ZFPM2: variants seen among roughly 807,000 people sequenced by gnomAD.
ZFPM2 encodes the protein zinc finger protein, FOG family member 2.
ZFPM2 carries 20 observed loss-of-function variants against 98.6 expected under a neutral mutation model. That is an observed-to-expected ratio of 0.20 (90% CI 0.14 to 0.29). The LOEUF (loss-of-function observed/expected upper bound fraction) is 0.29. Ranked by LOEUF, ZFPM2 falls within the 10% of genes least tolerant of loss-of-function variation. ZFPM2 has a pLI of 1.00. For synonymous variants in ZFPM2, 518 were observed against 502.7 expected (o/e 1.03, Z -0.41); for missense variants, 1,310 against 1,388.6 (o/e 0.94, Z 0.90).
intron 2 of ZFPM2, among the ~76,000 whole-genome samples, chr8:105,439,433 A>G (rs1358560870): frequency 6.6e-6 from 1 of 152,118 alleles, no homozygotes. Context: ...ATCTTGTACA[A>G]ACTGCTGTTT....
chr8:105,498,225 C>G (rs768972471), intron 3 of ZFPM2, among the ~76,000 whole-genome samples: 1 of 151,882 alleles, frequency 6.6e-6, no homozygotes, highest in Non-Finnish European at 1.5e-5. Flanking sequence ...ATAAAAAATC[C>G]AACAATTTAA....
At chr8:105,765,503 T>C (rs529142781) in intron 5 of ZFPM2, among the ~76,000 whole-genome samples, 1 of 151,966 alleles carries the variant, frequency 6.6e-6, no homozygotes, top group South Asian at 2.1e-4. Flanking sequence ...CTTTGATCTC[T>C]GGAGACAATT....
chr8:105,724,643 A>G (rs2131002356), intron 5 of ZFPM2, among the ~76,000 whole-genome samples: 2 of 152,004 alleles, frequency 1.3e-5, no homozygotes, highest in Middle Eastern at 3.4e-3. Context: ...AATTATTATA[A>G]TTAACTGTAT....
intron 3 of ZFPM2, among the ~76,000 whole-genome samples, chr8:105,507,478 TGGGCC>T (rs1813727382): frequency 6.6e-6 from 1 of 152,224 alleles, no homozygotes; most frequent in African/African-American, 2.4e-5. Flanking sequence ...TTAATCCAGT[TGGGCC>T]TCACTTTATT....
chr8:105,521,408 AGGGGGGG>A (rs1814056699), intron 3 of ZFPM2, among the ~76,000 whole-genome samples: 1 of 25,778 alleles, frequency 3.9e-5, no homozygotes, highest in African/African-American at 5.5e-4. Flanking sequence ...TTAAGGGGGG[AGGGGGGG>A]AGGGATGAGT....
At chr8:105,535,521 G>A (rs1814432558) in intron 3 of ZFPM2, among the ~76,000 whole-genome samples, 1 of 152,064 alleles carries the variant, frequency 6.6e-6, no homozygotes, top group Non-Finnish European at 1.5e-5. Flanking sequence ...GTTTGCTTTG[G>A]AAACCAACTG....
At chr8:105,376,121 C>T (rs1810719996) in intron 1 of ZFPM2, among the ~76,000 whole-genome samples, 1 of 152,178 alleles carries the variant, frequency 6.6e-6, no homozygotes, top group Admixed American at 6.5e-5. Context: ...GTTACTTTTA[C>T]TAGTGGCCTC....
chr8:105,435,888 A>G (rs1045573955), intron 2 of ZFPM2, among the ~76,000 whole-genome samples: 3 of 152,216 alleles, frequency 2.0e-5, no homozygotes, highest in Non-Finnish European at 2.9e-5. Flanking sequence ...AGTAAAAAGC[A>G]TTAAAAAATG....
chr8:105,635,536 A>G (rs1816831071), intron 5 of ZFPM2, among the ~76,000 whole-genome samples: 2 of 151,932 alleles, frequency 1.3e-5, no homozygotes, highest in Admixed American at 1.3e-4. Context: ...CATACCCACT[A>G]ATTTTCTAAC....
intron 1 of ZFPM2, among the ~76,000 whole-genome samples, chr8:105,406,931 T>C (rs180970655): frequency 6.6e-6 from 1 of 152,040 alleles, no homozygotes; most frequent in East Asian, 1.9e-4. Flanking sequence ...CCATACGTTT[T>C]TGAGGCTTGA....
chr8:105,381,104 G>C (rs1810880338), intron 1 of ZFPM2, among the ~76,000 whole-genome samples: 1 of 144,254 alleles, frequency 6.9e-6, no homozygotes, highest in Non-Finnish European at 1.5e-5. Flanking sequence ...AGGCCCTGGT[G>C]TGTGATATTC....
intron 2 of ZFPM2, among the ~76,000 whole-genome samples, chr8:105,432,548 CAG>C (rs751926940): frequency 2.0e-5 from 3 of 152,080 alleles, no homozygotes; most frequent in Non-Finnish European, 2.9e-5. Flanking sequence ...GGCCGACAAA[CAG>C]AAGGGAAAGT....
chr8:105,801,260 G>C lies in ZFPM2; in HGVS notation c.1178G>C (p.Arg393Thr). The change falls in exon 8 of 8, where the codon AGA becomes ACA. Residue 393 changes from arginine to threonine, a missense_variant. By Grantham distance (71) the Arg-to-Thr change is moderately conservative. Transcript: ENST00000407775. ...CATGTCCCTAGCGGCAAACTTCCCA[G>C]AGAAAGTGACATGGAACACTCTCCA... ...ELHVPSGKLP[R>T]ESDMEHSPSA... The C allele has an allele frequency of 6.2e-7, 1 of 1,613,904 alleles. No individual in the cohort carries two copies. Among genetic ancestry groups the C allele is most frequent in the Non-Finnish European group, 8.5e-7 (1 of 1,179,874 alleles).
chr8:105,799,644 A>G (rs191258877), intron 7 of ZFPM2, among the ~76,000 whole-genome samples: 45 of 152,304 alleles, frequency 3.0e-4, no homozygotes, highest in Admixed American at 9.2e-4. Context: ...ATTTCATAGC[A>G]TTCTAATTAT....
chr8:105,551,405 G>A (rs1814850116), intron 3 of ZFPM2, among the ~76,000 whole-genome samples: 1 of 152,012 alleles, frequency 6.6e-6, no homozygotes, highest in Non-Finnish European at 1.5e-5. Context: ...TTTCTTTATG[G>A]TTCTGTTTTC....
At chr8:105,444,632 A>C (rs538775058) in intron 3 of ZFPM2, among the ~76,000 whole-genome samples, 1 of 152,252 alleles carries the variant, frequency 6.6e-6, no homozygotes, top group Admixed American at 6.5e-5. Flanking sequence ...AAATTAGTCA[A>C]TTCTACTTGC....
At chr8:105,520,886 G>T (rs10955398) in intron 3 of ZFPM2, among the ~76,000 whole-genome samples, 2 of 151,598 alleles carry the variant, frequency 1.3e-5, no homozygotes, top group African/African-American at 4.8e-5. Flanking sequence ...GAGGGCTGGG[G>T]CCTTAAAGTG....
chr8:105,674,914 G>T (rs1030151601), intron 5 of ZFPM2, among the ~76,000 whole-genome samples: 3 of 152,040 alleles, frequency 2.0e-5, no homozygotes, highest in African/African-American at 7.2e-5. Context: ...ACCAGAAAGG[G>T]GTGGAGTGCT....
intron 1 of ZFPM2, among the ~76,000 whole-genome samples, chr8:105,343,786 G>T (rs892475760): frequency 1.3e-5 from 2 of 152,064 alleles, no homozygotes; most frequent in Admixed American, 6.6e-5. Flanking sequence ...ACAGGAGTAG[G>T]TTTCTGAGTG....
Sources: allele counts gnomAD v4.1 joint callset (sites outside exome capture counted in the v4.1 genomes callset), GRCh38; gene constraint gnomAD v4.1.1; transcripts MANE v1.5; gene names NCBI Gene and HGNC (gene_info 2026-07-23, HGNC 2026-07-21).